Variants in AREL1 observed in about 807,000 individuals in gnomAD.
AREL1 encodes the protein apoptosis-resistant E3 ubiquitin protein ligase 1.
AREL1 carries 62 observed loss-of-function variants against 99.0 expected under a neutral mutation model. The ratio of observed to expected loss-of-function variants is 0.63; its 90% CI spans 0.51 to 0.77. The LOEUF (loss-of-function observed/expected upper bound fraction) is 0.77, where lower values mean the gene tolerates loss of function less well. AREL1 is among the 30% of genes least tolerant of loss of function. AREL1 has a pLI of 0.00. For missense variants in AREL1, 879 were observed against 1,027.6 expected, an observed-to-expected ratio of 0.86 and a Z score of 1.98; for synonymous variants, 380 against 376.5, an observed-to-expected ratio of 1.01 and a Z score of -0.11.
intron 1 of AREL1, among the ~76,000 whole-genome samples, chr14:74,705,599 A>G (rs1224338057): frequency 6.6e-6 from 1 of 152,178 alleles, no homozygotes. Context: ...AGTCTTTTAT[A>G]AGATCATGCC....
At chr14:74,698,433 C>T (rs942958128) in intron 1 of AREL1, among the ~76,000 whole-genome samples, 8 of 152,142 alleles carry the variant, frequency 5.3e-5, no homozygotes, top group African/African-American at 1.4e-4. Flanking sequence ...CTAATTCACT[C>T]GATAATTCAC....
chr14:74,694,990 G>GAA (rs548884827), intron 1 of AREL1, among the ~76,000 whole-genome samples: 13 of 82,816 alleles, frequency 1.6e-4, no homozygotes, highest in South Asian at 4.0e-4. Context: ...CTCTGTCTCG[G>GAA]AAAAAAAAAA....
chr14:74,688,169 G>A (rs546623379), intron 2 of AREL1, among the ~76,000 whole-genome samples: 30 of 151,830 alleles, frequency 2.0e-4, no homozygotes, highest in Non-Finnish European at 4.1e-4. Flanking sequence ...GGCATTACAG[G>A]TGCCTGCCAC....
intron 1 of AREL1, among the ~76,000 whole-genome samples, chr14:74,703,184 GA>G (rs2090116068): frequency 6.6e-6 from 1 of 152,132 alleles, no homozygotes; most frequent in Admixed American, 6.5e-5. Context: ...AACTTCTAAA[GA>G]AAAAAGGTTG....
At chr14:74,679,529 G>A (rs1157898282) in intron 5 of AREL1, among the ~76,000 whole-genome samples, 3 of 152,140 alleles carry the variant, frequency 2.0e-5, no homozygotes, top group Non-Finnish European at 4.4e-5. Context: ...AAAGTCAACA[G>A]TAAAAAGCCA....
At position 74,662,561 on chromosome 14, in the gene AREL1, C is replaced by T. The variant is rs2089107403; in HGVS notation, c.*1159G>A. On this transcript the variant is annotated 3_prime_UTR_variant, in exon 20 of 20. Coordinates refer to ENST00000356357, the MANE Select transcript of AREL1 (RefSeq NM_001039479.2). ...CAACAGTGAACCTAATAAGCTTCCT[C>T]CCTCCTTAGTTCTCCTTCCTGATAA... The T allele has an allele frequency of 5.0e-6, 2 of 398,554 alleles. No homozygotes were observed. Among genetic ancestry groups the T allele is most frequent in the Non-Finnish European group, 8.8e-6 (2 of 226,070 alleles). The allele number at this position is 398,554 out of a possible 1,614,324, so 24.7% of individuals were successfully genotyped here.
At position 74,676,702 on chromosome 14, in the gene AREL1, C is replaced by T. The variant is rs899101867; in HGVS notation, c.532G>A (p.Val178Ile). The T allele has an allele frequency of 1.2e-6, 2 of 1,613,392 alleles. No individual in the cohort carries two copies. Among genetic ancestry groups the T allele is most frequent in the Non-Finnish European group, 1.7e-6 (2 of 1,179,688 alleles). The change falls in exon 6 of 20, where the codon GTA becomes ATA. Residue 178 changes from valine to isoleucine, a missense_variant. Physicochemically the swap from Val to Ile is conservative, Grantham distance 29. Transcript: ENST00000356357. ...TKIVCHFSTL[V>I]LTCGQPHTLQ... ...GTGTGCGGCTGCCCACAGGTCAATACAAGAGTAGAAAAGTGGCACACAATT... is the reference window on the plus strand; with the variant it reads ...GTGTGCGGCTGCCCACAGGTCAATATAAGAGTAGAAAAGTGGCACACAATT...
rs1423407940 is a variant in AREL1, at chr14:74,684,669, CTG to C, written c.26_27del (p.Thr9SerfsTer11). The C allele has an allele frequency of 1.2e-6, 2 of 1,614,134 alleles. No individual in the cohort carries two copies. The highest frequency in any genetic ancestry group is 1.1e-5 in the South Asian group (1 of 91,060). On this transcript the variant is annotated frameshift_variant, in exon 4 of 20. Transcript: ENST00000356357. LOFTEE classifies it high-confidence loss of function. MFYVIGGITVSVVAFFFTI... is the reference protein window; with the variant it reads MFYVIGGIXVSVVAFFFTI... ...GTGAAGAAGAATGCAACCACAGACA[CTG>C]TGATTCCACCTATGCAAAAGAGAGA...
chr14:74,691,653 G>A (rs2089884029), intron 2 of AREL1, among the ~76,000 whole-genome samples: 1 of 152,170 alleles, frequency 6.6e-6, no homozygotes, highest in Non-Finnish European at 1.5e-5. Flanking sequence ...AAGGATCCTG[G>A]TCTGGTTGCT....
At chr14:74,689,632 T>C (rs1488429758) in intron 2 of AREL1, among the ~76,000 whole-genome samples, 1 of 147,636 alleles carries the variant, frequency 6.8e-6, no homozygotes, top group African/African-American at 2.5e-5. Context: ...AGTTTCACTC[T>C]TGTTGCCCAG....
At chr14:74,674,366 G>A (rs1271638732) in intron 8 of AREL1, among the ~76,000 whole-genome samples, 3 of 152,132 alleles carry the variant, frequency 2.0e-5, no homozygotes, top group East Asian at 1.9e-4. Flanking sequence ...TTGGGAGGCC[G>A]AGGCAGGCAG....
At chr14:74,706,245 G>C (rs958167401) in intron 1 of AREL1, among the ~76,000 whole-genome samples, 1 of 152,056 alleles carries the variant, frequency 6.6e-6, no homozygotes, top group African/African-American at 2.4e-5. Context: ...CTTTGAACCT[G>C]ACAAGCCGTC....
intron 17 of AREL1, 105 bp from the exon 18 acceptor site, chr14:74,665,030 AC>A: frequency 1.2e-6 from 1 of 854,200 alleles, no homozygotes; most frequent in Non-Finnish European, 1.8e-6. Context: ...AGAAAACATT[AC>A]CAGGAAAAAG....
intron 1 of AREL1, among the ~76,000 whole-genome samples, chr14:74,694,523 G>A (rs549364583): frequency 3.9e-5 from 6 of 152,138 alleles, no homozygotes; most frequent in Admixed American, 6.6e-5. Context: ...CTTGGTATAC[G>A]GAATTATAAA....
chr14:74,669,918 T>A lies in AREL1; in HGVS notation c.1788+29A>T, dbSNP rs776323663. 6 of 1,586,568 alleles carry A rather than the reference T, an allele frequency of 3.8e-6. No homozygotes were observed. The Admixed American group carries it at 1.1e-4, about 28-fold the overall frequency. ...TTTCAGGGTTAATGGCCAGGGGCCTTAGTAGGAAATGCACACCCAAGATGT... is the reference window on the plus strand; with the variant it reads ...TTTCAGGGTTAATGGCCAGGGGCCTAAGTAGGAAATGCACACCCAAGATGT... On this transcript the variant is annotated intron_variant, in intron 14 of 19. Coordinates refer to ENST00000356357, the MANE Select transcript of AREL1 (RefSeq NM_001039479.2).
chr14:74,688,512 T>C (rs1444130748), intron 2 of AREL1, among the ~76,000 whole-genome samples: 1 of 152,210 alleles, frequency 6.6e-6, no homozygotes, highest in Non-Finnish European at 1.5e-5. Context: ...CCTTCTCCAA[T>C]GAGTCAGTTC....
rs765544581 is a variant in AREL1 at position 74,684,663 on chromosome 14, C to G, written c.34G>C (p.Val12Leu). 2.5e-6 allele frequency: 4 copies of G among 1,614,036 alleles called. No individual in the cohort carries two copies. Among genetic ancestry groups the G allele is most frequent in the South Asian group, 1.1e-5 (1 of 91,074 alleles). ...TTAATTGTGAAGAAGAATGCAACCA[C>G]AGACACTGTGATTCCACCTATGCAA... The part of the protein sequence containing the change: ...FYVIGGITVS[V>L]VAFFFTIKFL... Residue 12 changes from valine to leucine, a missense_variant, in exon 4 of 20, where the codon GTG (valine) becomes CTG (leucine). By Grantham distance (32) the Val-to-Leu change is conservative. Coordinates refer to ENST00000356357, the MANE Select transcript of AREL1 (RefSeq NM_001039479.2).
chr14:74,707,260 C>T (rs747961555), intron 1 of AREL1, among the ~76,000 whole-genome samples: 2 of 151,532 alleles, frequency 1.3e-5, no homozygotes, highest in Admixed American at 6.6e-5. Flanking sequence ...CCCAGCTACT[C>T]GGGAGGCTGA....
Position 74,689,591 on chromosome 14 carries a change from TC to T in AREL1, c.-46+2449del, listed in dbSNP as rs372550458. ...GTTTTTATTTATCTTATAGCACTTT[TC>T]TTTTTTTTTTTTTTTTTTTTTTGGG... On this transcript the variant is annotated intron_variant, in intron 2 of 19. Coordinates refer to ENST00000356357, the MANE Select transcript of AREL1 (RefSeq NM_001039479.2). 2.8e-3 allele frequency among the ~76,000 whole-genome samples: 393 copies of T among 140,414 alleles called. 28 individuals are homozygous for T. The highest frequency in any genetic ancestry group is 4.6e-3 in the East Asian group (22 of 4,742). The allele number at this position is 140,414 out of a possible 152,430, so 92.1% of individuals were successfully genotyped here.
Sources: gnomAD v4.1 joint callset for allele counts (sites outside exome capture counted in the v4.1 genomes callset) on GRCh38, gnomAD v4.1.1 for gene constraint, MANE v1.5 for transcripts, NCBI Gene and HGNC (gene_info 2026-07-23, HGNC 2026-07-21) for gene names.